Variants in VSTM2A observed in about 807,000 individuals in gnomAD.
VSTM2A encodes V-set and transmembrane domain containing 2A.
In VSTM2A, 13 loss-of-function variants were observed where a neutral mutation model predicts 27.3. That is an observed-to-expected ratio of 0.48 (90% CI 0.31 to 0.76). The LOEUF is 0.76. VSTM2A is among the 30% of genes least tolerant of loss of function. The pLI is 0.05. For missense variants in VSTM2A, 280 were observed against 310.0 expected (o/e 0.90, Z 0.73); for synonymous variants, 142 against 125.7 (o/e 1.13, Z -0.87).
intron 4 of VSTM2A, chr7:54,559,766 T>C (rs966983496): frequency 6.6e-6 from 1 of 152,126 alleles, no homozygotes; most frequent in Non-Finnish European, 1.5e-5. Flanking sequence ...TGTTAAAGCA[T>C]ACAGTGAACA....
Position 54,546,927 on chromosome 7 carries a change from C to T in VSTM2A, c.247-20C>T. On this transcript the variant is annotated intron_variant, in intron 2 of 4. Transcript: ENST00000402613. Reference sequence around the variant, plus strand: ...CGGGCGGGCCTGGCGCGGGACTGAGCGTTCGCTCCTTGCCCGCAGGTGGAG... The same window carrying T: ...CGGGCGGGCCTGGCGCGGGACTGAGTGTTCGCTCCTTGCCCGCAGGTGGAG... 6.3e-7 allele frequency: 1 copy of T among 1,598,702 alleles called. No individual in the cohort carries two copies. The highest frequency in any genetic ancestry group is 8.5e-7 in the Non-Finnish European group (1 of 1,174,994).
chr7:54,544,605 G>A lies in VSTM2A; in HGVS notation c.80-17G>A. 1 of 1,612,822 alleles carries A rather than the reference G, an allele frequency of 6.2e-7. No homozygotes were observed. The highest frequency in any genetic ancestry group is 8.5e-7 in the Non-Finnish European group (1 of 1,179,834). ...AGGGGTGTGGATATTCCAACAGGAT[G>A]CCTTTCTGTTTTGCAGCAAAATTTA... On this transcript the variant is annotated splice_polypyrimidine_tract_variant and intron_variant, in intron 1 of 4. Coordinates refer to ENST00000402613, the MANE Select transcript of VSTM2A (RefSeq NM_001301009.2).
In VSTM2A at chr7:54,546,961, C is replaced by T. The variant is rs748317701; in HGVS notation, c.261C>T (p.Pro87=). 1.3e-6 allele frequency: 2 copies of T among 1,596,456 alleles called. No homozygotes were observed. Among genetic ancestry groups the T allele is most frequent in the South Asian group, 2.2e-5 (2 of 89,844 alleles). Residue 87 remains proline (P), a synonymous_variant, in exon 3 of 5, where the codon CCC becomes CCT. Coordinates refer to ENST00000402613, the MANE Select transcript of VSTM2A (RefSeq NM_001301009.2). ...EGAGAQVELL[P]DRDPDSDGTK... is the part of the protein sequence containing the mutation. ...CTTGCCCGCAGGTGGAGCTCTTGCC[C>T]GACAGAGACCCGGACAGCGACGGGA...
In VSTM2A at chr7:54,561,614, G is replaced by A. The variant is rs374411635; in HGVS notation, c.635-7517G>A. 2.0e-4 allele frequency among the ~76,000 whole-genome samples: 30 copies of A among 152,140 alleles called. No homozygotes were observed. In the South Asian group the frequency reaches 5.2e-3, roughly 26 times the overall value. ...GAGATGTGAATTTTAAAAATCTTGC[G>A]TCAAATATTTCTAGTTACTTAATGC... is the stretch of plus-strand genomic sequence containing the variant. On this transcript the variant is annotated intron_variant, in intron 4 of 4. Coordinates refer to ENST00000402613, the MANE Select transcript of VSTM2A (RefSeq NM_001301009.2).
At chr7:54,561,409 G>A (rs995834397) in intron 4 of VSTM2A, among the ~76,000 whole-genome samples, 1 of 152,170 alleles carries the variant, frequency 6.6e-6, no homozygotes, top group African/African-American at 2.4e-5. Context: ...GACTGCCTAT[G>A]TAGCAATGGT....
At chr7:54,546,894 CG>C (rs1344781889) in intron 2 of VSTM2A, 52 bp from the exon 3 acceptor site, 20 of 1,590,810 alleles carry the variant, frequency 1.3e-5, no homozygotes, top group Non-Finnish European at 1.5e-5. Flanking sequence ...CGCGTGGGAG[CG>C]GGTGGTCGGG....
intron 2 of VSTM2A, among the ~76,000 whole-genome samples, chr7:54,545,912 A>G (rs1157201010): frequency 1.0e-5 from 1 of 99,086 alleles, no homozygotes; most frequent in Non-Finnish European, 2.0e-5. Context: ...ATGGGGAGAG[A>G]GGGAGAGAGG....
chr7:54,545,008 T>G (rs1030849256), intron 2 of VSTM2A, among the ~76,000 whole-genome samples: 1 of 152,200 alleles, frequency 6.6e-6, no homozygotes, highest in Non-Finnish European at 1.5e-5. Context: ...AGTTTCTTCC[T>G]GTTAAACCGG....
Position 54,570,016 on chromosome 7 carries a change from A to G in VSTM2A, c.*797A>G, listed in dbSNP as rs957483525. On this transcript the variant is annotated 3_prime_UTR_variant, in exon 5 of 5. Coordinates refer to ENST00000402613, the MANE Select transcript of VSTM2A (RefSeq NM_001301009.2). ...CGTTGATAATTCATACACTGCGTGA[A>G]TTTTGTAATTCATTGTTTCACTTCC... 1.1e-4 allele frequency: 16 copies of G among 152,144 alleles called. No individual in the cohort carries two copies. Among genetic ancestry groups the G allele is most frequent in the African/African-American group, 3.9e-4 (16 of 41,444 alleles). 9.4% of individuals were successfully genotyped at this position (152,144 alleles called of 1,614,324 possible).
intron 1 of VSTM2A, 117 bp downstream of exon 1, chr7:54,542,926 G>C: frequency 1.0e-6 from 1 of 957,496 alleles, no homozygotes; most frequent in Non-Finnish European, 1.6e-6. Flanking sequence ...GTGGGCTTAG[G>C]CTGTATAAAT....
chr7:54,546,220 G>A (rs1787960725), intron 2 of VSTM2A: 1 of 153,658 alleles, frequency 6.5e-6, no homozygotes, highest in Admixed American at 6.6e-5. Flanking sequence ...GAAGGAAGTA[G>A]GGGAATGGGG....
At chr7:54,544,499 G>A (rs562451245) in intron 1 of VSTM2A, 123 bp from the exon 2 acceptor site, 11 of 1,228,582 alleles carry the variant, frequency 9.0e-6, no homozygotes, top group South Asian at 1.3e-5. Flanking sequence ...AGACGAAGCC[G>A]AGGATGTAAG....
intron 3 of VSTM2A, among the ~76,000 whole-genome samples, chr7:54,549,187 C>T (rs1401839463): frequency 6.6e-6 from 1 of 151,922 alleles, no homozygotes; most frequent in African/African-American, 2.4e-5. Flanking sequence ...GTATAAAGTC[C>T]CTATAATGGC....
intron 2 of VSTM2A, 35 bp from the exon 3 acceptor site, chr7:54,546,912 T>A: frequency 6.3e-7 from 1 of 1,596,254 alleles, no homozygotes; most frequent in Admixed American, 1.7e-5. Flanking sequence ...CGGGCGGGCC[T>A]GGCGCGGGAC....
intron 1 of VSTM2A, among the ~76,000 whole-genome samples, chr7:54,543,479 G>C (rs114506041): frequency 6.6e-6 from 1 of 152,166 alleles, no homozygotes; most frequent in Admixed American, 6.5e-5. Context: ...GCCCTTTTCC[G>C]ATCAGAATGT....
rs547021598 is a variant in VSTM2A at position 54,565,796 on chromosome 7, G to A, written c.635-3335G>A. On this transcript the variant is annotated intron_variant, in intron 4 of 4. Transcript: ENST00000402613. Reference sequence around the variant, plus strand: ...TTGTAATGAAATATATGGAATTTCTGTTATTCTCTGAAATCATACGATAGT... The same window carrying A: ...TTGTAATGAAATATATGGAATTTCTATTATTCTCTGAAATCATACGATAGT... 4.6e-5 allele frequency among the ~76,000 whole-genome samples: 7 copies of A among 152,346 alleles called. No individual in the cohort carries two copies. The South Asian group carries it at 6.2e-4, about 14-fold the overall frequency.
At chr7:54,544,474 G>A (rs1281368128) in intron 1 of VSTM2A, 148 bp from the exon 2 acceptor site, 4 of 930,726 alleles carry the variant, frequency 4.3e-6, no homozygotes, top group Non-Finnish European at 6.7e-6. Flanking sequence ...GCAAAGGAAG[G>A]GGGCTGGGGG....
In VSTM2A at chr7:54,569,655, T is replaced by A. The variant is rs1282955078; in HGVS notation, c.*436T>A. ...GAAAGAAATTTTTTTATTTTCCCCT[T>A]TTTTTCTTGGATTTTTCTTCTTTTT... On this transcript the variant is annotated 3_prime_UTR_variant, in exon 5 of 5. Transcript: ENST00000402613. The A allele has an allele frequency of 6.3e-6, 1 of 157,890 alleles. No homozygotes were observed. Among genetic ancestry groups the A allele is most frequent in the African/African-American group, 2.4e-5 (1 of 41,526 alleles). The allele number at this position is 157,890 out of a possible 1,614,324, so 9.8% of individuals were successfully genotyped here.
intron 4 of VSTM2A, chr7:54,554,183 G>A (rs986518914): frequency 6.1e-6 from 9 of 1,482,340 alleles, no homozygotes; most frequent in Non-Finnish European, 7.2e-6. Flanking sequence ...TCTCTAGGCA[G>A]CCTTTCTCCC....
Sources: gnomAD v4.1 joint callset for allele counts (sites outside exome capture counted in the v4.1 genomes callset) on GRCh38, gnomAD v4.1.1 for gene constraint, MANE v1.5 for transcripts, NCBI Gene and HGNC (gene_info 2026-07-23, HGNC 2026-07-21) for gene names.